TEX11: variants seen among roughly 807,000 people sequenced by gnomAD.
The protein encoded by TEX11 is testis-expressed protein 11.
In TEX11, 7 loss-of-function variants were observed where a neutral mutation model predicts 84.4. That is an observed-to-expected ratio of 0.08 (90% CI 0.05 to 0.16). The LOEUF (loss-of-function observed/expected upper bound fraction) is 0.16, where lower values mean the gene tolerates loss of function less well. Ranked by LOEUF, TEX11 falls within the 10% of genes least tolerant of loss-of-function variation. TEX11 has a pLI of 1.00. For missense variants in TEX11, 551 were observed against 660.5 expected, an observed-to-expected ratio of 0.83 and a Z score of 1.82; for synonymous variants, 264 against 222.8, an observed-to-expected ratio of 1.18 and a Z score of -1.64.
At chrX:70,786,144 A>G (rs909701917) in intron 9 of TEX11, among the ~76,000 whole-genome samples, 2 of 112,035 alleles carry the variant, frequency 1.8e-5, no homozygotes, top group Non-Finnish European at 3.8e-5. Context: ...CAGCCATAAA[A>G]AAGGATGAGT....
intron 4 of TEX11, among the ~76,000 whole-genome samples, chrX:70,865,179 T>A (rs745399548): frequency 4.5e-5 from 5 of 110,333 alleles, no homozygotes; most frequent in Non-Finnish European, 9.5e-5. Context: ...ACACATAGGC[T>A]CAAAATAAAC....
At chrX:70,627,748 G>A (rs953424549) in intron 18 of TEX11, among the ~76,000 whole-genome samples, 1 of 111,733 alleles carries the variant, frequency 8.9e-6, no homozygotes, top group Non-Finnish European at 1.9e-5. Context: ...CTCCCATTCT[G>A]TCCTACATAT....
intron 9 of TEX11, among the ~76,000 whole-genome samples, chrX:70,746,718 T>C (rs1261753167): frequency 3.6e-5 from 4 of 111,746 alleles, no homozygotes; most frequent in Non-Finnish European, 5.6e-5. Context: ...TAGTGAGCAA[T>C]TAAGAGGGAG....
chrX:70,823,183 T>G (rs1289457077), intron 8 of TEX11, among the ~76,000 whole-genome samples: 1 of 111,538 alleles, frequency 9.0e-6, no homozygotes, highest in African/African-American at 3.3e-5. Flanking sequence ...CACTTATATG[T>G]AAAATGAAAA....
intron 25 of TEX11, among the ~76,000 whole-genome samples, chrX:70,569,541 C>T (rs1186438727): frequency 9.0e-6 from 1 of 111,132 alleles, no homozygotes; most frequent in Non-Finnish European, 1.9e-5. Flanking sequence ...GTGGTTTTAT[C>T]TACTTTTGGT....
At chrX:70,794,929 CCTT>C (rs1028047599) in intron 9 of TEX11, among the ~76,000 whole-genome samples, 6 of 107,009 alleles carry the variant, frequency 5.6e-5, no homozygotes, top group African/African-American at 2.0e-4. Context: ...GGGAGAGTCT[CCTT>C]CTGCTTGACA....
In TEX11 at chrX:70,614,233, C is replaced by A. The variant is rs1042101125; in HGVS notation, c.1752-3690G>T. 3.6e-5 allele frequency among the ~76,000 whole-genome samples: 4 copies of A among 110,224 alleles called. No homozygotes were observed. The Admixed American group carries it at 3.8e-4, about 11-fold the overall frequency. On this transcript the variant is annotated intron_variant, in intron 20 of 29. Transcript: ENST00000374333. The stretch of plus-strand genomic sequence containing the variant: ...AGCCACAGTAGGGTAGAGCATCAAG[C>A]GGGATCTCAGGATCCCCAATTCTAG...
chrX:70,887,010 C>T (rs939081706), intron 2 of TEX11, among the ~76,000 whole-genome samples: 3 of 111,617 alleles, frequency 2.7e-5, no homozygotes, highest in Non-Finnish European at 5.6e-5. Flanking sequence ...CTCAGAGTCT[C>T]GCCCAAGGCC....
At chrX:70,720,267 G>A (rs1282432837) in intron 13 of TEX11, among the ~76,000 whole-genome samples, 3 of 110,973 alleles carry the variant, frequency 2.7e-5, no homozygotes, top group Non-Finnish European at 5.7e-5. Flanking sequence ...ACTATCGCAA[G>A]GACAAAAAAC....
At chrX:70,565,621 T>C (rs2088457137) in intron 25 of TEX11, among the ~76,000 whole-genome samples, 1 of 110,915 alleles carries the variant, frequency 9.0e-6, no homozygotes, top group African/African-American at 3.3e-5. Context: ...TTTCTACATA[T>C]GGCTAGCCAG....
At chrX:70,869,668 T>C (rs1293885542) in intron 4 of TEX11, among the ~76,000 whole-genome samples, 1 of 111,009 alleles carries the variant, frequency 9.0e-6, no homozygotes, top group Non-Finnish European at 1.9e-5. Flanking sequence ...TCCCAGCTAC[T>C]CGGGAAGCTG....
At chrX:70,863,272 T>C (rs905710804) in intron 4 of TEX11, among the ~76,000 whole-genome samples, 3 of 111,998 alleles carry the variant, frequency 2.7e-5, no homozygotes, top group Non-Finnish European at 5.6e-5. Flanking sequence ...CCGTGCCTCC[T>C]GACTGGGAGA....
At chrX:70,790,369 G>A (rs1180715760) in intron 9 of TEX11, among the ~76,000 whole-genome samples, 1 of 111,634 alleles carries the variant, frequency 9.0e-6, no homozygotes, top group East Asian at 2.8e-4. Context: ...CAAGCACCAG[G>A]ACCAGCTCTC....
intron 15 of TEX11, among the ~76,000 whole-genome samples, chrX:70,678,397 A>G (rs1365914002): frequency 1.8e-5 from 2 of 110,786 alleles, no homozygotes; most frequent in Admixed American, 9.6e-5. Context: ...AAAATTATAA[A>G]TGATTGTTCT....
At chrX:70,666,466 T>C (rs755494179) in intron 16 of TEX11, among the ~76,000 whole-genome samples, 1 of 111,100 alleles carries the variant, frequency 9.0e-6, no homozygotes, top group African/African-American at 3.3e-5. Flanking sequence ...TCCATGAAAG[T>C]AGGTTGTTAT....
At chrX:70,643,837 T>A (rs2089699907) in intron 17 of TEX11, among the ~76,000 whole-genome samples, 1 of 110,346 alleles carries the variant, frequency 9.1e-6, no homozygotes, top group African/African-American at 3.3e-5. Context: ...ATCCTAGGCA[T>A]TACCATTCAG....
chrX:70,564,056 C>G (rs982906809), intron 25 of TEX11, among the ~76,000 whole-genome samples: 1 of 111,825 alleles, frequency 8.9e-6, no homozygotes, highest in Non-Finnish European at 1.9e-5. Context: ...TGGTGAAACC[C>G]CATCTCTACT....
chrX:70,891,679 G>A (rs183941829), intron 2 of TEX11, among the ~76,000 whole-genome samples: 1 of 111,120 alleles, frequency 9.0e-6, no homozygotes, highest in Admixed American at 9.7e-5. Context: ...AAAAAGGTTA[G>A]AGAAAAAAGA....
intron 17 of TEX11, among the ~76,000 whole-genome samples, chrX:70,632,056 A>G (rs1176451129): frequency 2.0e-5 from 2 of 99,724 alleles, no homozygotes; most frequent in Non-Finnish European, 4.1e-5. Context: ...GGGAAAATCA[A>G]TGCTTGGCTT....
Sources: allele counts gnomAD v4.1 joint callset (sites outside exome capture counted in the v4.1 genomes callset), GRCh38; gene constraint gnomAD v4.1.1; transcripts MANE v1.5; gene names NCBI Gene and HGNC (gene_info 2026-07-23, HGNC 2026-07-21).